The following PTPRD variants were observed in gnomAD, a reference collection of about 807,000 sequenced individuals.
PTPRD encodes receptor-type tyrosine-protein phosphatase delta.
A neutral mutation model predicts 214.5 loss-of-function variants in PTPRD; 34 were observed. The observed-to-expected ratio is 0.16, with a 90% CI of 0.12 to 0.21. The LOEUF is 0.21. PTPRD is among the 10% of genes least tolerant of loss of function. The probability of loss-of-function intolerance (pLI) is 1.00; values close to 1 mark genes in which losing one functional copy is unlikely to be tolerated. For synonymous variants in PTPRD, 1,128 were observed against 845.7 expected (o/e 1.33, Z -5.79); for missense variants, 2,545 against 2,398.7 (o/e 1.06, Z -1.27).
chr9:8,482,212 T>C (rs2096901951), intron 30 of PTPRD, among the ~76,000 whole-genome samples: 1 of 152,150 alleles, frequency 6.6e-6, no homozygotes, highest in African/African-American at 2.4e-5. Context: ...ACACCATCAT[T>C]CATTGTCATC....
At chr9:9,076,796 T>C (rs572443598) in intron 10 of PTPRD, among the ~76,000 whole-genome samples, 1 of 151,624 alleles carries the variant, frequency 6.6e-6, no homozygotes, top group Non-Finnish European at 1.5e-5. Flanking sequence ...AATTTCCTTT[T>C]TTTTTTTTTT....
At chr9:9,914,130 G>C (rs2080001017) in intron 5 of PTPRD, among the ~76,000 whole-genome samples, 1 of 152,146 alleles carries the variant, frequency 6.6e-6, no homozygotes. Context: ...GCCAAATGCT[G>C]CACTCCTTTC....
intron 9 of PTPRD, among the ~76,000 whole-genome samples, chr9:9,315,635 C>T (rs1178521097): frequency 6.6e-6 from 1 of 151,558 alleles, no homozygotes; most frequent in Non-Finnish European, 1.5e-5. Context: ...ATGGATCATG[C>T]TTTATATATT....
intron 3 of PTPRD, among the ~76,000 whole-genome samples, chr9:10,320,719 C>T (rs1375743518): frequency 6.6e-6 from 1 of 151,788 alleles, no homozygotes; most frequent in Non-Finnish European, 1.5e-5. Flanking sequence ...TCCATTCATT[C>T]ATTGATTTTT....
chr9:8,891,649 A>G (rs575681256), intron 11 of PTPRD, among the ~76,000 whole-genome samples: 1 of 152,208 alleles, frequency 6.6e-6, no homozygotes, highest in East Asian at 1.9e-4. Flanking sequence ...TCTCCCTGCA[A>G]TGGACGCAGC....
intron 12 of PTPRD, chr9:8,713,425 G>T: frequency 9.1e-7 from 1 of 1,097,658 alleles, no homozygotes; most frequent in South Asian, 1.3e-5. Flanking sequence ...TAATCGTGTC[G>T]TCGCCAAGTC....
intron 4 of PTPRD, among the ~76,000 whole-genome samples, chr9:10,016,317 C>A (rs2154113231): frequency 6.6e-6 from 1 of 152,030 alleles, no homozygotes; most frequent in East Asian, 1.9e-4. Context: ...ATAAAGTAGC[C>A]ATCCGTGTGT....
intron 9 of PTPRD, among the ~76,000 whole-genome samples, chr9:9,367,055 TA>T (rs150944189): frequency 0.18 from 26,768 of 151,394 alleles, 2,630 homozygotes; most frequent in East Asian, 0.33. Flanking sequence ...AAGAAAAGTT[TA>T]AAAAATAAAA....
At chr9:8,795,551 C>G (rs760277370) in intron 11 of PTPRD, among the ~76,000 whole-genome samples, 2 of 152,170 alleles carry the variant, frequency 1.3e-5, no homozygotes, top group Non-Finnish European at 2.9e-5. Flanking sequence ...GATACCACCA[C>G]CAATACCACA....
chr9:8,946,308 C>T (rs920996346), intron 11 of PTPRD, among the ~76,000 whole-genome samples: 2 of 152,022 alleles, frequency 1.3e-5, no homozygotes, highest in African/African-American at 2.4e-5. Flanking sequence ...AATCAAAAGT[C>T]TTAAAACGGA....
intron 9 of PTPRD, among the ~76,000 whole-genome samples, chr9:9,379,458 A>G (rs944490853): frequency 7.9e-5 from 12 of 151,860 alleles, no homozygotes; most frequent in Admixed American, 7.9e-4. Context: ...TAAGTGTTCA[A>G]GTCAGGTAAT....
At chr9:8,513,966 CAA>C (rs1223091893) in intron 21 of PTPRD, among the ~76,000 whole-genome samples, 1 of 151,966 alleles carries the variant, frequency 6.6e-6, no homozygotes, top group Non-Finnish European at 1.5e-5. Context: ...CATCTTCATG[CAA>C]AAAAGTCAGT....
At chr9:8,607,637 T>G (rs1437955786) in intron 14 of PTPRD, among the ~76,000 whole-genome samples, 1 of 152,074 alleles carries the variant, frequency 6.6e-6, no homozygotes, top group Non-Finnish European at 1.5e-5. Context: ...AGCGAGATTC[T>G]GTCTCGGAAA....
At chr9:8,794,164 A>C (rs1281046143) in intron 11 of PTPRD, among the ~76,000 whole-genome samples, 3 of 152,182 alleles carry the variant, frequency 2.0e-5, no homozygotes. Context: ...CAGGAAAAGG[A>C]AGGCAAGTAT....
intron 3 of PTPRD, among the ~76,000 whole-genome samples, chr9:10,269,452 A>G (rs1182086204): frequency 6.6e-6 from 1 of 152,166 alleles, no homozygotes; most frequent in Non-Finnish European, 1.5e-5. Context: ...AAATATACAT[A>G]TTTGCCCTGT....
At chr9:9,584,324 G>C (rs1382727090) in intron 7 of PTPRD, among the ~76,000 whole-genome samples, 1 of 136,262 alleles carries the variant, frequency 7.3e-6, no homozygotes, top group Admixed American at 7.3e-5. Flanking sequence ...TTTTGGAAAA[G>C]AAAGCTACTA....
chr9:10,459,562 G>A (rs2098943355), intron 2 of PTPRD, among the ~76,000 whole-genome samples: 1 of 152,068 alleles, frequency 6.6e-6, no homozygotes, highest in South Asian at 2.1e-4. Context: ...TCCAGCATCT[G>A]TTGTTTCCTG....
intron 16 of PTPRD, among the ~76,000 whole-genome samples, chr9:8,526,979 T>C (rs1170510021): frequency 6.6e-6 from 1 of 151,846 alleles, no homozygotes; most frequent in Admixed American, 6.6e-5. Context: ...CTATACAATA[T>C]TTTTAAAGAC....
chr9:9,075,045 A>C (rs1449263677), intron 10 of PTPRD, among the ~76,000 whole-genome samples: 2 of 152,102 alleles, frequency 1.3e-5, no homozygotes, highest in East Asian at 3.8e-4. Context: ...AAAGAGAAGA[A>C]AACAAAAATT....
Sources: allele counts gnomAD v4.1 joint callset (sites outside exome capture counted in the v4.1 genomes callset), GRCh38; gene constraint gnomAD v4.1.1; transcripts MANE v1.5; gene names NCBI Gene and HGNC (gene_info 2026-07-23, HGNC 2026-07-21).